The following MSMB variants were observed in gnomAD, a reference collection of about 807,000 sequenced individuals.
MSMB encodes beta-microseminoprotein.
MSMB carries 10 observed loss-of-function variants against 10.5 expected under a neutral mutation model. The observed-to-expected ratio is 0.95, with a 90% CI of 0.59 to 1.62. The LOEUF is 1.62. MSMB is among the 40% of genes most tolerant of loss of function. The pLI is 0.00. For synonymous variants in MSMB, 43 were observed against 46.5 expected (o/e 0.93, Z 0.30); for missense variants, 126 against 137.4 (o/e 0.92, Z 0.42).
At chr10:46,044,563 G>C (rs1312448202) in intron 1 of MSMB, among the ~76,000 whole-genome samples, 3 of 101,806 alleles carry the variant, frequency 2.9e-5, no homozygotes, top group Non-Finnish European at 5.4e-5. Flanking sequence ...GCGACAGAGA[G>C]ACTCCGTCTC....
rs1428555210 is a variant in MSMB, at chr10:46,039,968, T to G, written c.109+18A>C. 2 of 1,591,952 alleles carry G rather than the reference T, an allele frequency of 1.3e-6. No homozygotes were observed. The highest frequency in any genetic ancestry group is 2.7e-5 in the African/African-American group (2 of 74,490). On this transcript the variant is annotated intron_variant, in intron 2 of 3. Coordinates refer to ENST00000582163, the MANE Select transcript of MSMB (RefSeq NM_002443.4). ...CAGGCTGCAATAACATAATAAACAT[T>G]GAAAAGCCAAGACTTACTCCTGGTT...
At chr10:46,041,045 A>G (rs1840736714) in intron 1 of MSMB, among the ~76,000 whole-genome samples, 1 of 152,146 alleles carries the variant, frequency 6.6e-6, no homozygotes, top group Non-Finnish European at 1.5e-5. Flanking sequence ...TAGACTCACA[A>G]GTAAAAGTTA....
intron 1 of MSMB, among the ~76,000 whole-genome samples, chr10:46,042,737 G>A (rs553906963): frequency 1.3e-5 from 2 of 152,318 alleles, no homozygotes; most frequent in East Asian, 1.9e-4. Context: ...GAAGTCACAT[G>A]AGCAATTGAT....
intron 3 of MSMB, among the ~76,000 whole-genome samples, chr10:46,035,219 G>C (rs1316307452): frequency 2.6e-5 from 4 of 152,130 alleles, no homozygotes; most frequent in African/African-American, 9.7e-5. Flanking sequence ...AAAACAGCTT[G>C]GCAGCTCCTC....
At chr10:46,046,124 T>A in intron 1 of MSMB, 111 bp downstream of exon 1, 2 of 1,139,512 alleles carry the variant, frequency 1.8e-6, no homozygotes, top group Non-Finnish European at 2.6e-6. Context: ...GGTTCCTAAC[T>A]AGGTCACATT....
intron 1 of MSMB, among the ~76,000 whole-genome samples, chr10:46,043,713 C>T (rs10994137): frequency 0.22 from 32,859 of 151,932 alleles, 4,279 homozygotes; most frequent in African/African-American, 0.37. Context: ...CTCGTTCTAT[C>T]GCCTAGAGTA....
At chr10:46,036,437 A>AGAAACCTT (rs1190463336) in intron 3 of MSMB, among the ~76,000 whole-genome samples, 1 of 152,234 alleles carries the variant, frequency 6.6e-6, no homozygotes, top group East Asian at 1.9e-4. Context: ...ACATGGCAGT[A>AGAAACCTT]GAAACCTTGA....
chr10:46,036,850 T>C (rs886110938), intron 3 of MSMB, among the ~76,000 whole-genome samples: 1 of 152,200 alleles, frequency 6.6e-6, no homozygotes, highest in African/African-American at 2.4e-5. Context: ...CACGCTCCTA[T>C]GTGAGGGAGG....
intron 1 of MSMB, 122 bp downstream of exon 1, chr10:46,046,113 A>G (rs1554929405): frequency 9.7e-7 from 1 of 1,033,832 alleles, no homozygotes; most frequent in Non-Finnish European, 1.5e-6. Flanking sequence ...TAATAACATA[A>G]GGTTCCTAAC....
intron 3 of MSMB, among the ~76,000 whole-genome samples, 185 bp from the exon 4 acceptor site, chr10:46,033,736 C>G (rs146084649): frequency 3.5e-4 from 54 of 152,334 alleles, no homozygotes; most frequent in Middle Eastern, 6.8e-3. Flanking sequence ...ACAGCTCACC[C>G]CTACATTCCA....
At chr10:46,044,945 G>C (rs113493563) in intron 1 of MSMB, among the ~76,000 whole-genome samples, 260 of 152,238 alleles carry the variant, frequency 1.7e-3, no homozygotes, top group Non-Finnish European at 3.1e-3. Flanking sequence ...AGTGGAGATG[G>C]GGAGGACCTC....
At chr10:46,038,042 C>T (rs1289732655) in intron 3 of MSMB, among the ~76,000 whole-genome samples, 1 of 152,072 alleles carries the variant, frequency 6.6e-6, no homozygotes, top group Non-Finnish European at 1.5e-5. Context: ...CTGTATGATT[C>T]CACTTATATG....
intron 3 of MSMB, among the ~76,000 whole-genome samples, chr10:46,037,429 G>T (rs1379961043): frequency 1.3e-5 from 2 of 152,202 alleles, no homozygotes; most frequent in African/African-American, 2.4e-5. Context: ...GGATTTGGGG[G>T]GTTGGGAGTT....
chr10:46,045,173 T>C (rs1195533752), intron 1 of MSMB, among the ~76,000 whole-genome samples: 8 of 152,114 alleles, frequency 5.3e-5, no homozygotes, highest in Non-Finnish European at 1.0e-4. Flanking sequence ...GTAAAGAATG[T>C]TTTAAGAAAG....
rs1307351491 is a variant in MSMB, at chr10:46,045,371, C to T, written c.3+864G>A. Among the ~76,000 whole-genome samples the T allele has an allele frequency of 4.6e-4, 70 of 151,938 alleles. 3 individuals are homozygous for T. The highest frequency in any genetic ancestry group is 4.6e-3 in the Admixed American group (70 of 15,248). ...GCATAGCAAAATCCTATCTCTAAAA[C>T]AAATACAAAAATTAGTCGGGCATGG... On this transcript the variant is annotated intron_variant, in intron 1 of 3. Coordinates refer to ENST00000582163, the MANE Select transcript of MSMB (RefSeq NM_002443.4).
chr10:46,035,210 A>T (rs1216356195), intron 3 of MSMB, among the ~76,000 whole-genome samples: 2 of 152,226 alleles, frequency 1.3e-5, no homozygotes, highest in African/African-American at 4.8e-5. Context: ...CTGCTGTGGA[A>T]AACAGCTTGG....
intron 2 of MSMB, among the ~76,000 whole-genome samples, chr10:46,039,630 C>T (rs1840697198): frequency 6.6e-6 from 1 of 152,210 alleles, no homozygotes. Flanking sequence ...ACCTGTAATC[C>T]CAACACTTTG....
chr10:46,044,780 C>T (rs1840853645), intron 1 of MSMB, among the ~76,000 whole-genome samples: 1 of 150,726 alleles, frequency 6.6e-6, no homozygotes, highest in Admixed American at 6.6e-5. Flanking sequence ...AGTAAAAACT[C>T]ATCTCTACTA....
chr10:46,037,429 G>A (rs1379961043), intron 3 of MSMB, among the ~76,000 whole-genome samples: 11 of 152,320 alleles, frequency 7.2e-5, no homozygotes, highest in Admixed American at 2.6e-4. Context: ...GGATTTGGGG[G>A]GTTGGGAGTT....
Sources: allele counts gnomAD v4.1 joint callset (sites outside exome capture counted in the v4.1 genomes callset), GRCh38; gene constraint gnomAD v4.1.1; transcripts MANE v1.5; gene names NCBI Gene and HGNC (gene_info 2026-07-23, HGNC 2026-07-21).